DMD: variants seen among roughly 807,000 people sequenced by gnomAD.
DMD encodes dystrophin, also known as mutant dystrophin.
A neutral mutation model predicts 330.1 loss-of-function variants in DMD; 63 were observed. The ratio of observed to expected loss-of-function variants is 0.19; its 90% CI spans 0.16 to 0.24. DMD has a LOEUF of 0.24. DMD is among the 10% of genes least tolerant of loss of function. DMD has a pLI of 1.00. For synonymous variants in DMD, 1,223 were observed against 959.8 expected, an observed-to-expected ratio of 1.27 and a Z score of -5.07; for missense variants, 3,344 against 2,684.1, an observed-to-expected ratio of 1.25 and a Z score of -5.43.
rs184320493 is a variant in DMD at position 33,169,145 on chromosome X, C to T, written c.31+42137G>A. Among the ~76,000 whole-genome samples the T allele has an allele frequency of 6.5e-3, 721 of 110,853 alleles. 8 individuals are homozygous for T. Among genetic ancestry groups the T allele is most frequent in the African/African-American group, 0.023 (695 of 30,725 alleles). Reference sequence around the variant, plus strand: ...GAACAGAAAAAAAACAATTACTGTTCATATTATTTCAACTGAAATCAAGCT... The same window carrying T: ...GAACAGAAAAAAAACAATTACTGTTTATATTATTTCAACTGAAATCAAGCT... On this transcript the variant is annotated intron_variant, in intron 1 of 78. Transcript: ENST00000357033.
chrX:32,596,615 G>A (rs1293919887), intron 12 of DMD, among the ~76,000 whole-genome samples: 1 of 109,260 alleles, frequency 9.2e-6, no homozygotes, highest in Non-Finnish European at 1.9e-5. Flanking sequence ...GCATGATCTC[G>A]GCTCACTGCA....
chrX:32,781,437 AAATC>A (rs1173123968), intron 7 of DMD, among the ~76,000 whole-genome samples: 1 of 112,394 alleles, frequency 8.9e-6, no homozygotes, highest in African/African-American at 3.2e-5. Context: ...GAATAAAACA[AAATC>A]AACGAAACAT....
intron 1 of DMD, among the ~76,000 whole-genome samples, chrX:33,174,452 A>C (rs1466882540): frequency 8.9e-6 from 1 of 111,971 alleles, no homozygotes; most frequent in South Asian, 3.7e-4. Flanking sequence ...AATTTTTGTT[A>C]TTGTTGTTTT....
At chrX:32,733,230 G>T (rs1292664837) in intron 7 of DMD, among the ~76,000 whole-genome samples, 7 of 111,165 alleles carry the variant, frequency 6.3e-5, no homozygotes, top group Non-Finnish European at 9.4e-5. Flanking sequence ...AAATATATAT[G>T]CACCCAACAA....
intron 48 of DMD, among the ~76,000 whole-genome samples, chrX:31,870,709 G>A (rs935864157): frequency 2.7e-5 from 3 of 111,754 alleles, no homozygotes; most frequent in Non-Finnish European, 3.8e-5. Flanking sequence ...GAGTCCTTTG[G>A]TAGTTTTTAG....
intron 1 of DMD, among the ~76,000 whole-genome samples, chrX:33,132,256 A>G (rs1425060526): frequency 8.9e-6 from 1 of 112,269 alleles, no homozygotes; most frequent in East Asian, 2.8e-4. Flanking sequence ...TCTTAAGAGC[A>G]CATACTTATA....
At chrX:32,491,171 T>C in intron 20 of DMD, 106 bp downstream of exon 20, 1 of 1,019,743 alleles carries the variant, frequency 9.8e-7, no homozygotes, top group Admixed American at 2.2e-5. Flanking sequence ...GCTAAATCCT[T>C]AGAAGGTGAA....
intron 44 of DMD, among the ~76,000 whole-genome samples, chrX:32,105,072 G>T (rs765309339): frequency 3.6e-5 from 4 of 111,966 alleles, no homozygotes; most frequent in Non-Finnish European, 7.5e-5. Flanking sequence ...ATGTGCAGGG[G>T]TATGAGGAAA....
At chrX:31,182,668 A>T in intron 68 of DMD, 70 bp downstream of exon 68, 1 of 1,065,964 alleles carries the variant, frequency 9.4e-7, no homozygotes, top group South Asian at 1.9e-5. Context: ...CACAGGAGAT[A>T]AAAGATCAAG....
intron 50 of DMD, among the ~76,000 whole-genome samples, chrX:31,806,378 T>C (rs2092291486): frequency 8.9e-6 from 1 of 112,266 alleles, no homozygotes; most frequent in Non-Finnish European, 1.9e-5. Context: ...GATTCTCCTC[T>C]TATTCAGTTT....
chrX:33,083,777 C>G (rs1217795276), intron 1 of DMD, among the ~76,000 whole-genome samples: 1 of 111,573 alleles, frequency 9.0e-6, no homozygotes, highest in Non-Finnish European at 1.9e-5. Context: ...AGAGAAGTCT[C>G]CCAAACCAGT....
chrX:31,792,414 T>G (rs941284753), intron 50 of DMD, among the ~76,000 whole-genome samples: 3 of 112,285 alleles, frequency 2.7e-5, no homozygotes, highest in Non-Finnish European at 5.6e-5. Flanking sequence ...CCATTAGAAA[T>G]TAGCATGACG....
rs190374716 is a variant in DMD at position 32,519,562 on chromosome X, G to A, written c.2169-1431C>T. Reference sequence around the variant, plus strand: ...ACAGGGAAGAATAATTATCTTTCTGGTTTATAATACTTTCATTGATATAGC... The same window carrying A: ...ACAGGGAAGAATAATTATCTTTCTGATTTATAATACTTTCATTGATATAGC... On this transcript the variant is annotated intron_variant, in intron 17 of 78. Coordinates refer to ENST00000357033, the MANE Select transcript of DMD (RefSeq NM_004006.3). Among the ~76,000 whole-genome samples, 22 of 111,264 alleles carry A rather than the reference G, an allele frequency of 2.0e-4. No homozygotes were observed. In the East Asian group the frequency reaches 4.6e-3, roughly 23 times the overall value.
chrX:32,321,498 T>C (rs994746834), intron 41 of DMD, among the ~76,000 whole-genome samples: 2 of 111,390 alleles, frequency 1.8e-5, no homozygotes, highest in African/African-American at 6.5e-5. Flanking sequence ...AGGGGGTCAG[T>C]ACCTGCTAGT....
chrX:32,093,015 C>G (rs2249475), intron 44 of DMD, among the ~76,000 whole-genome samples: 2 of 110,402 alleles, frequency 1.8e-5, no homozygotes, highest in African/African-American at 3.3e-5. Flanking sequence ...TGTACTATCA[C>G]CACTACTTAA....
intron 60 of DMD, among the ~76,000 whole-genome samples, chrX:31,396,793 C>A (rs1602464586): frequency 9.0e-6 from 1 of 111,400 alleles, no homozygotes; most frequent in East Asian, 2.8e-4. Flanking sequence ...TCAAAAACTG[C>A]ATGATTTCCT....
intron 60 of DMD, among the ~76,000 whole-genome samples, chrX:31,406,791 T>C (rs2692989): frequency 0.46 from 50,794 of 109,885 alleles, 10,965 homozygotes; most frequent in African/African-American, 0.85. Flanking sequence ...TACCGCCTTT[T>C]CATAAACAGA....
intron 59 of DMD, among the ~76,000 whole-genome samples, chrX:31,461,319 A>T (rs1227434974): frequency 8.9e-6 from 1 of 112,085 alleles, no homozygotes; most frequent in African/African-American, 3.2e-5. Context: ...CTGAACCAGC[A>T]GCATCATGAA....
At chrX:32,358,833 G>A (rs959491078) in intron 37 of DMD, among the ~76,000 whole-genome samples, 7 of 111,249 alleles carry the variant, frequency 6.3e-5, no homozygotes, top group African/African-American at 2.0e-4. Flanking sequence ...TATACGTAAC[G>A]ATGGAAATAC....
Sources: allele counts gnomAD v4.1 joint callset (sites outside exome capture counted in the v4.1 genomes callset), GRCh38; gene constraint gnomAD v4.1.1; transcripts MANE v1.5; gene names NCBI Gene and HGNC (gene_info 2026-07-23, HGNC 2026-07-21).